Variants in MIR2052HG observed in about 807,000 individuals in gnomAD.
MIR2052HG encodes the protein MIR2052 host gene.
intron 2 of MIR2052HG, among the ~76,000 whole-genome samples, chr8:74,678,520 G>A (rs1280738311): frequency 1.5e-5 from 2 of 134,504 alleles, no homozygotes; most frequent in African/African-American, 5.8e-5. Context: ...CTGAGATTGT[G>A]CCATTGCACT....
At chr8:74,613,378 G>A (rs1808228570) in intron 2 of MIR2052HG, among the ~76,000 whole-genome samples, 1 of 152,166 alleles carries the variant, frequency 6.6e-6, no homozygotes, top group Non-Finnish European at 1.5e-5. Context: ...CAAAGAGAGA[G>A]TCCATGTGTT....
chr8:74,717,540 C>T lies in MIR2052HG; in HGVS notation n.371+13858C>T, dbSNP rs73339264. 9.7e-3 allele frequency among the ~76,000 whole-genome samples: 1,483 copies of T among 152,126 alleles called. 23 individuals are homozygous for T. Among genetic ancestry groups the T allele is most frequent in the African/African-American group, 0.033 (1,352 of 41,490 alleles). On this transcript the variant is annotated intron_variant and non_coding_transcript_variant, in intron 4 of 6. Coordinates refer to ENST00000523442, the Ensembl canonical transcript of MIR2052HG. ...GAGATAATTAAAAGTAATGCTAGCC[C>T]GGTGTTGTGGCTCTTGCCCGTAATC...
At chr8:74,643,700 T>A (rs1269361890) in intron 2 of MIR2052HG, among the ~76,000 whole-genome samples, 3 of 152,348 alleles carry the variant, frequency 2.0e-5, no homozygotes, top group East Asian at 1.9e-4. Context: ...GCATTTTTTT[T>A]AAACTTTAGA....
intron 2 of MIR2052HG, among the ~76,000 whole-genome samples, chr8:74,686,374 A>C (rs1469481453): frequency 6.6e-6 from 1 of 152,018 alleles, no homozygotes; most frequent in Non-Finnish European, 1.5e-5. Flanking sequence ...TATTATTATG[A>C]GTCAAAAGTC....
chr8:74,715,418 G>A (rs1809510526), intron 4 of MIR2052HG, among the ~76,000 whole-genome samples: 1 of 152,120 alleles, frequency 6.6e-6, no homozygotes, highest in African/African-American at 2.4e-5. Context: ...TGTCCATGGC[G>A]ATTCACAATT....
At chr8:74,670,825 G>A (rs906778462) in intron 2 of MIR2052HG, among the ~76,000 whole-genome samples, 1 of 152,084 alleles carries the variant, frequency 6.6e-6, no homozygotes, top group Non-Finnish European at 1.5e-5. Flanking sequence ...AGTGCAAGAG[G>A]AAGGGGTTTT....
At position 74,690,917 on chromosome 8, in the gene MIR2052HG, A is replaced by G. The variant is rs1259645621; in HGVS notation, n.217-11462A>G. Among the ~76,000 whole-genome samples, 7 of 152,252 alleles carry G rather than the reference A, an allele frequency of 4.6e-5. No homozygotes were observed. The East Asian group carries it at 1.4e-3, about 30-fold the overall frequency. On this transcript the variant is annotated intron_variant and non_coding_transcript_variant, in intron 2 of 6. Coordinates refer to ENST00000523442, the Ensembl canonical transcript of MIR2052HG. ...ATCTGGGGTAACATTTACTTCTAGC[A>G]GTTTTAAAAATTTTCTTAAAGTTAT...
intron 1 of MIR2052HG, among the ~76,000 whole-genome samples, chr8:74,607,830 G>A (rs115709002): frequency 0.017 from 2,630 of 152,280 alleles, 81 homozygotes; most frequent in African/African-American, 0.06. Context: ...CGGAAGTACA[G>A]CCTTCCTGTC....
At chr8:74,696,675 A>G (rs7815058) in intron 2 of MIR2052HG, among the ~76,000 whole-genome samples, 1,814 of 152,196 alleles carry the variant, frequency 0.012, 40 homozygotes, top group African/African-American at 0.041. Context: ...ACATCATTCA[A>G]GCCTACTATG....
intron 2 of MIR2052HG, among the ~76,000 whole-genome samples, chr8:74,689,443 T>G (rs1234320014): frequency 6.6e-6 from 1 of 152,250 alleles, no homozygotes; most frequent in African/African-American, 2.4e-5. Flanking sequence ...AAGTTCATTT[T>G]GGTTACCAAT....
intron 2 of MIR2052HG, among the ~76,000 whole-genome samples, chr8:74,642,590 T>G (rs921955522): frequency 6.6e-6 from 1 of 152,184 alleles, no homozygotes; most frequent in Non-Finnish European, 1.5e-5. Context: ...CAGTGACATT[T>G]TATATATTTG....
At chr8:74,687,320 A>G (rs1465910112) in intron 2 of MIR2052HG, among the ~76,000 whole-genome samples, 1 of 152,198 alleles carries the variant, frequency 6.6e-6, no homozygotes, top group Non-Finnish European at 1.5e-5. Context: ...GAACTACCAT[A>G]TGATCCAGCA....
intron 2 of MIR2052HG, among the ~76,000 whole-genome samples, chr8:74,663,559 T>C (rs1343592278): frequency 6.6e-6 from 1 of 152,260 alleles, no homozygotes; most frequent in Non-Finnish European, 1.5e-5. Flanking sequence ...CTGTTTTCCC[T>C]GTCTTTCAAA....
intron 2 of MIR2052HG, among the ~76,000 whole-genome samples, chr8:74,649,106 T>C (rs560911372): frequency 6.6e-6 from 1 of 151,872 alleles, no homozygotes. Flanking sequence ...GGTAGTAAAC[T>C]GATGTTTGTG....
At chr8:74,661,831 G>A (rs1808868726) in intron 2 of MIR2052HG, among the ~76,000 whole-genome samples, 1 of 152,070 alleles carries the variant, frequency 6.6e-6, no homozygotes. Context: ...TAGACTCAAA[G>A]CATCCCTATG....
At chr8:74,694,393 G>C (rs961398524) in intron 2 of MIR2052HG, among the ~76,000 whole-genome samples, 1 of 152,080 alleles carries the variant, frequency 6.6e-6, no homozygotes, top group African/African-American at 2.4e-5. Flanking sequence ...CTCTCACATA[G>C]GTCTACCCAA....
At chr8:74,725,551 T>A (rs891759863) in intron 4 of MIR2052HG, among the ~76,000 whole-genome samples, 4 of 152,168 alleles carry the variant, frequency 2.6e-5, no homozygotes, top group Admixed American at 2.0e-4. Context: ...GCACTGGAAT[T>A]CTGATGTTGT....
intron 2 of MIR2052HG, among the ~76,000 whole-genome samples, chr8:74,616,199 T>C (rs1486342045): frequency 6.6e-6 from 1 of 151,902 alleles, no homozygotes; most frequent in Non-Finnish European, 1.5e-5. Context: ...CTGTCTTCCA[T>C]AATGGTTGAA....
At chr8:74,752,589 A>G in intron 5 of MIR2052HG, 2 of 441,550 alleles carry the variant, frequency 4.5e-6, no homozygotes, top group South Asian at 1.6e-5. Context: ...ATATTTATGT[A>G]CTGTGGTTAA....
Sources: gnomAD v4.1 joint callset for allele counts (sites outside exome capture counted in the v4.1 genomes callset) on GRCh38, gnomAD v4.1.1 for gene constraint, MANE v1.5 for transcripts, NCBI Gene and HGNC (gene_info 2026-07-23, HGNC 2026-07-21) for gene names.